Variants in ZNF626 observed in about 807,000 individuals in gnomAD.
The protein encoded by ZNF626 is zinc finger protein 626, also known as CTC-513N18.7.
A neutral mutation model predicts 11.7 loss-of-function variants in ZNF626; 4 were observed. The observed-to-expected ratio is 0.34, with a 90% CI of 0.17 to 0.78. The LOEUF (loss-of-function observed/expected upper bound fraction) is 0.78, where lower values mean the gene tolerates loss of function less well. ZNF626 is among the 30% of genes least tolerant of loss of function. The pLI, the probability that ZNF626 is intolerant of heterozygous loss-of-function variation, is 0.57. For missense variants in ZNF626, 588 were observed against 587.1 expected (o/e 1.00, Z -0.01); for synonymous variants, 179 against 198.6 (o/e 0.90, Z 0.83).
intron 1 of ZNF626, among the ~76,000 whole-genome samples, chr19:20,656,898 G>C (rs274808): frequency 6.6e-6 from 1 of 151,884 alleles, no homozygotes; most frequent in Non-Finnish European, 1.5e-5. Context: ...ATTCCTCACA[G>C]AACTAAAAAC....
At chr19:20,636,182 A>G (rs1187875681) in intron 3 of ZNF626, among the ~76,000 whole-genome samples, 1 of 152,194 alleles carries the variant, frequency 6.6e-6, no homozygotes, top group African/African-American at 2.4e-5. Context: ...CACCATACCT[A>G]CAAAACAAAT....
chr19:20,661,290 T>C (rs994580454), intron 1 of ZNF626, among the ~76,000 whole-genome samples, 154 bp downstream of exon 1: 1 of 152,202 alleles, frequency 6.6e-6, no homozygotes, highest in African/African-American at 2.4e-5. Flanking sequence ...TGCCATTTTA[T>C]GGCTGAACAG....
At chr19:20,658,690 T>G (rs772805155) in intron 1 of ZNF626, among the ~76,000 whole-genome samples, 1 of 152,098 alleles carries the variant, frequency 6.6e-6, no homozygotes, top group Non-Finnish European at 1.5e-5. Flanking sequence ...TCTATAGAGT[T>G]TGCTGAATAT....
At chr19:20,648,017 A>T (rs910088614) in intron 1 of ZNF626, among the ~76,000 whole-genome samples, 4 of 151,754 alleles carry the variant, frequency 2.6e-5, no homozygotes, top group Admixed American at 2.6e-4. Context: ...CATCTCTATT[A>T]AAAATACAAA....
In ZNF626 at chr19:20,661,404, G is replaced by T. The variant is rs2144800882; in HGVS notation, c.3+40C>A. ...AGCCACTTTTCACCGGTTCCAACCA[G>T]TCCCTCTCCTCTCTCGGGATGTCGG... is the stretch of plus-strand genomic sequence containing the variant. On this transcript the variant is annotated intron_variant, in intron 1 of 3. Transcript: ENST00000601440. The T allele has an allele frequency of 2.5e-6, 4 of 1,613,662 alleles. No homozygotes were observed. In the East Asian group the frequency reaches 8.9e-5, roughly 36 times the overall value.
At chr19:20,656,057 A>T (rs896415342) in intron 1 of ZNF626, among the ~76,000 whole-genome samples, 1 of 152,164 alleles carries the variant, frequency 6.6e-6, no homozygotes, top group Non-Finnish European at 1.5e-5. Context: ...ACAGGGGAAA[A>T]ACCAGAAGAG....
rs141098643 is a variant in ZNF626, at chr19:20,634,337, A to G, written c.227-8687T>C. Among the ~76,000 whole-genome samples the G allele has an allele frequency of 5.3e-4, 80 of 152,366 alleles. 1 individual carries two copies. In the East Asian group the frequency reaches 0.015, roughly 29 times the overall value. On this transcript the variant is annotated intron_variant, in intron 3 of 3. Transcript: ENST00000601440. ...ATGAAGGTATAGAGAACACTCCTCG[A>G]CAACATCAGGATACACAGCCTTCTC...
rs1178122435 is a variant in ZNF626 at position 20,649,449 on chromosome 19, AAACAG to A, written c.4-3049_4-3045del. On this transcript the variant is annotated intron_variant, in intron 1 of 3. Transcript: ENST00000601440. ...ACACTGACTTGTCCCTACCAAACGC[AAACAG>A]AACAGGCCCTGTGACCACCCTTTAG... 8.5e-5 allele frequency among the ~76,000 whole-genome samples: 13 copies of A among 152,268 alleles called. No homozygotes were observed. The East Asian group carries it at 2.5e-3, about 29-fold the overall frequency.
chr19:20,639,461 G>A (rs1970000431), intron 3 of ZNF626, among the ~76,000 whole-genome samples: 1 of 152,130 alleles, frequency 6.6e-6, no homozygotes, highest in African/African-American at 2.4e-5. Context: ...ATACTGATTG[G>A]GTGAAATGGC....
intron 3 of ZNF626, among the ~76,000 whole-genome samples, chr19:20,643,051 TTAAC>T (rs1970040355): frequency 2.6e-5 from 4 of 152,082 alleles, no homozygotes; most frequent in Non-Finnish European, 4.4e-5. Context: ...ACTGCAATCT[TTAAC>T]TAGTATTATG....
chr19:20,661,519 C>CCTGG lies in ZNF626; in HGVS notation c.-77_-74dup, dbSNP rs1387276761. On this transcript the variant is annotated 5_prime_UTR_variant, in exon 1 of 4. Transcript: ENST00000601440. ...ACCTGCAGGACACGGGGCCACACAG[C>CCTGG]CTGGGCCTTTAGGAGAAGAACCAGA... is the stretch of plus-strand genomic sequence containing the variant. 3 of 1,529,834 alleles carry CCTGG rather than the reference C, an allele frequency of 2.0e-6. No homozygotes were observed. Among genetic ancestry groups the CCTGG allele is most frequent in the Non-Finnish European group, 2.6e-6 (3 of 1,140,938 alleles). 94.8% of individuals were successfully genotyped at this position (1,529,834 alleles called of 1,614,324 possible). A position where few individuals can be genotyped will look rare whatever the true frequency, so the allele number is the denominator to read the frequency against.
chr19:20,630,914 G>A (rs1969897141), intron 3 of ZNF626, among the ~76,000 whole-genome samples: 2 of 151,462 alleles, frequency 1.3e-5, no homozygotes, highest in Non-Finnish European at 2.9e-5. Context: ...GGCATTTAGT[G>A]CTATAAATTT....
At chr19:20,647,034 G>T (rs1970087774) in intron 1 of ZNF626, among the ~76,000 whole-genome samples, 1 of 152,072 alleles carries the variant, frequency 6.6e-6, no homozygotes, top group Non-Finnish European at 1.5e-5. Flanking sequence ...AGTTTTAGTA[G>T]AGATGGTGTT....
chr19:20,632,713 C>T (rs1969920270), intron 3 of ZNF626, among the ~76,000 whole-genome samples: 1 of 152,160 alleles, frequency 6.6e-6, no homozygotes. Context: ...AAGCCTTTAA[C>T]TTCTTTGCCA....
intron 1 of ZNF626, among the ~76,000 whole-genome samples, chr19:20,648,024 C>CA (rs1970102196): frequency 6.6e-6 from 1 of 151,512 alleles, no homozygotes; most frequent in Non-Finnish European, 1.5e-5. Context: ...ATTAAAAATA[C>CA]AAAAATTAGC....
chr19:20,633,801 C>T (rs566959043), intron 3 of ZNF626, among the ~76,000 whole-genome samples: 64 of 152,286 alleles, frequency 4.2e-4, no homozygotes, highest in African/African-American at 7.5e-4. Flanking sequence ...CACCATCCTG[C>T]GCCTACTGTC....
intron 3 of ZNF626, among the ~76,000 whole-genome samples, chr19:20,641,009 G>A (rs182064642): frequency 5.3e-5 from 8 of 151,850 alleles, no homozygotes; most frequent in Admixed American, 2.6e-4. Context: ...GGTCGTGGGC[G>A]CCTAAAATCC....
At chr19:20,630,919 A>G (rs1969897160) in intron 3 of ZNF626, among the ~76,000 whole-genome samples, 1 of 151,678 alleles carries the variant, frequency 6.6e-6, no homozygotes, top group Non-Finnish European at 1.5e-5. Flanking sequence ...TTAGTGCTAT[A>G]AATTTCCCTC....
intron 1 of ZNF626, among the ~76,000 whole-genome samples, chr19:20,659,603 G>A (rs1339089252): frequency 1.3e-5 from 2 of 151,922 alleles, no homozygotes; most frequent in Admixed American, 6.6e-5. Flanking sequence ...AGTGAGGGAT[G>A]GAGATAAGCC....
Sources: allele counts gnomAD v4.1 joint callset (sites outside exome capture counted in the v4.1 genomes callset), GRCh38; gene constraint gnomAD v4.1.1; transcripts MANE v1.5; gene names NCBI Gene and HGNC (gene_info 2026-07-23, HGNC 2026-07-21).